ARHGAP26: variants seen among roughly 807,000 people sequenced by gnomAD.
ARHGAP26 encodes the protein rho GTPase-activating protein 26.
ARHGAP26 carries 38 observed loss-of-function variants against 104.8 expected under a neutral mutation model. The ratio of observed to expected loss-of-function variants is 0.36; its 90% CI spans 0.28 to 0.48. ARHGAP26 has a LOEUF of 0.48. Among genes scored for constraint, ARHGAP26 ranks in the 20% least tolerant of loss-of-function variants. ARHGAP26 has a pLI of 0.99. For synonymous variants in ARHGAP26, 341 were observed against 340.0 expected (o/e 1.00, Z -0.03); for missense variants, 704 against 947.9 (o/e 0.74, Z 3.38).
intron 6 of ARHGAP26, among the ~76,000 whole-genome samples, chr5:142,897,276 G>T (rs1759605653): frequency 6.6e-6 from 1 of 152,208 alleles, no homozygotes; most frequent in African/African-American, 2.4e-5. Context: ...CTAATGAAAA[G>T]AAATTTTCAG....
chr5:142,978,629 G>A (rs1773476507), intron 11 of ARHGAP26, among the ~76,000 whole-genome samples: 1 of 152,066 alleles, frequency 6.6e-6, no homozygotes, highest in Non-Finnish European at 1.5e-5. Context: ...AGTTCTCAGT[G>A]CATTTGAATG....
intron 1 of ARHGAP26, among the ~76,000 whole-genome samples, chr5:142,797,420 G>A (rs1761206484): frequency 6.6e-6 from 1 of 152,224 alleles, no homozygotes. Context: ...TGAGTGTTGA[G>A]AAGCTGTCCC....
At position 143,058,107 on chromosome 5, in the gene ARHGAP26, A is replaced by G. The variant is rs150142239; in HGVS notation, c.1538+360A>G. On this transcript the variant is annotated intron_variant, in intron 17 of 22. Coordinates refer to ENST00000645722, the MANE Select transcript of ARHGAP26 (RefSeq NM_001135608.3). ...TTATGCTCATCAAGAACAAACAAAA[A>G]TATGTTGTGGGTTTACAGAATTTGG... The G allele has an allele frequency of 5.2e-4, 245 of 469,818 alleles. 1 individual carries two copies. The highest frequency in any genetic ancestry group is 4.1e-3 in the African/African-American group (211 of 51,270). 29.1% of individuals were successfully genotyped at this position (469,818 alleles called of 1,614,324 possible).
intron 11 of ARHGAP26, among the ~76,000 whole-genome samples, chr5:142,987,264 A>C (rs548034399): frequency 3.3e-5 from 5 of 152,246 alleles, no homozygotes; most frequent in East Asian, 3.9e-4. Flanking sequence ...GCAATTGTGA[A>C]TGGGAGTTCA....
At chr5:143,139,512 A>G (rs1034074016) in intron 19 of ARHGAP26, among the ~76,000 whole-genome samples, 1 of 152,192 alleles carries the variant, frequency 6.6e-6, no homozygotes, top group African/African-American at 2.4e-5. Flanking sequence ...AATGAAAACC[A>G]TCTGTTCCAG....
intron 20 of ARHGAP26, among the ~76,000 whole-genome samples, chr5:143,149,634 G>C (rs1799573442): frequency 6.6e-6 from 1 of 152,180 alleles, no homozygotes; most frequent in Non-Finnish European, 1.5e-5. Context: ...GCACACAGAC[G>C]TGCCACGGTA....
chr5:143,183,874 G>A (rs1244601942), intron 20 of ARHGAP26, among the ~76,000 whole-genome samples: 3 of 152,136 alleles, frequency 2.0e-5, no homozygotes, highest in African/African-American at 4.8e-5. Flanking sequence ...GAAGGGACTT[G>A]GGGAAGGACT....
chr5:142,986,398 C>T (rs758189668), intron 11 of ARHGAP26, among the ~76,000 whole-genome samples: 28 of 152,112 alleles, frequency 1.8e-4, no homozygotes, highest in Non-Finnish European at 3.4e-4. Flanking sequence ...TTTGTAGATT[C>T]TGGATATTAG....
intron 11 of ARHGAP26, among the ~76,000 whole-genome samples, chr5:142,953,016 T>C (rs925890371): frequency 1.3e-5 from 2 of 152,096 alleles, no homozygotes; most frequent in Admixed American, 6.6e-5. Context: ...GCCCCAACTG[T>C]GCTTTTTTGT....
intron 8 of ARHGAP26, among the ~76,000 whole-genome samples, chr5:142,905,582 C>G (rs1028646809): frequency 1.3e-5 from 2 of 152,154 alleles, no homozygotes; most frequent in Non-Finnish European, 2.9e-5. Context: ...GTGAGTACAA[C>G]TTGCATACAC....
intron 11 of ARHGAP26, among the ~76,000 whole-genome samples, chr5:142,986,118 C>T (rs1340871069): frequency 6.6e-6 from 1 of 152,190 alleles, no homozygotes; most frequent in African/African-American, 2.4e-5. Flanking sequence ...TTTACAGTCC[C>T]ACCAACAGCG....
At chr5:142,975,301 T>G (rs1276865758) in intron 11 of ARHGAP26, among the ~76,000 whole-genome samples, 1 of 152,092 alleles carries the variant, frequency 6.6e-6, no homozygotes, top group East Asian at 1.9e-4. Context: ...GTAGTGATTT[T>G]CAAATTATGT....
intron 11 of ARHGAP26, among the ~76,000 whole-genome samples, chr5:142,978,140 C>T (rs906274376): frequency 6.6e-6 from 1 of 152,074 alleles, no homozygotes; most frequent in East Asian, 1.9e-4. Flanking sequence ...CTTTAATTGG[C>T]GTGGGGTCGG....
In ARHGAP26 at chr5:143,208,640, A is replaced by G. The variant is rs79059056; in HGVS notation, c.2099+1332A>G. 4.5e-4 allele frequency among the ~76,000 whole-genome samples: 68 copies of G among 152,304 alleles called. 1 individual carries two copies. In the East Asian group the frequency reaches 7.1e-3, roughly 16 times the overall value. ...CAATGCTATGACTAAATGAGAGCCA[A>G]TCCAGAATTCAGGACTTCTCCCCCT... On this transcript the variant is annotated intron_variant, in intron 21 of 22. Coordinates refer to ENST00000645722, the MANE Select transcript of ARHGAP26 (RefSeq NM_001135608.3).
At position 143,226,775 on chromosome 5, in the gene ARHGAP26, G is replaced by A. The variant is rs1811714872; in HGVS notation, c.*4329G>A. 4.5e-6 allele frequency: 1 copy of A among 219,802 alleles called. No individual in the cohort carries two copies. Among genetic ancestry groups the A allele is most frequent in the Non-Finnish European group, 9.1e-6 (1 of 109,676 alleles). The allele number at this position is 219,802 out of a possible 1,614,324, so 13.6% of individuals were successfully genotyped here. A position where few individuals can be genotyped will look rare whatever the true frequency, so the allele number is the denominator to read the frequency against. On this transcript the variant is annotated 3_prime_UTR_variant, in exon 23 of 23. Coordinates refer to ENST00000645722, the MANE Select transcript of ARHGAP26 (RefSeq NM_001135608.3). ...ATATCAGTTCATTTCCTCTCACCGA[G>A]TGCTTTTCGGTGAGAGGCAAAGAGA...
chr5:142,874,315 C>A (rs575890630), intron 2 of ARHGAP26, among the ~76,000 whole-genome samples: 95 of 152,298 alleles, frequency 6.2e-4, no homozygotes, highest in South Asian at 2.9e-3. Flanking sequence ...TTGGTTGACT[C>A]CATTAAATGA....
chr5:143,114,874 T>G (rs1795218506), intron 17 of ARHGAP26, among the ~76,000 whole-genome samples: 1 of 152,014 alleles, frequency 6.6e-6, no homozygotes, highest in African/African-American at 2.4e-5. Flanking sequence ...GAACTGTTCT[T>G]TGTAGGGTGG....
At chr5:143,007,193 CGAAAAAAAA>C (rs796340411) in intron 11 of ARHGAP26, among the ~76,000 whole-genome samples, 1,679 of 115,336 alleles carry the variant, frequency 0.015, 36 homozygotes, top group African/African-American at 0.054. Flanking sequence ...ACTCTGTCTC[CGAAAAAAAA>C]AAAAAAAAAA....
chr5:142,818,695 T>C (rs917588169), intron 1 of ARHGAP26, among the ~76,000 whole-genome samples: 8 of 152,020 alleles, frequency 5.3e-5, no homozygotes, highest in African/African-American at 1.7e-4. Flanking sequence ...AAAAACAAAA[T>C]GAGGTAACAA....
Sources: gnomAD v4.1 joint callset for allele counts (sites outside exome capture counted in the v4.1 genomes callset) on GRCh38, gnomAD v4.1.1 for gene constraint, MANE v1.5 for transcripts, NCBI Gene and HGNC (gene_info 2026-07-23, HGNC 2026-07-21) for gene names.